The following HIVEP3 variants were observed in gnomAD, a reference collection of about 807,000 sequenced individuals.
HIVEP3 encodes transcription factor HIVEP3.
Under a neutral mutation model 152.8 loss-of-function variants are expected in HIVEP3, and 49 were observed. The ratio of observed to expected loss-of-function variants is 0.32; its 90% confidence interval spans 0.26 to 0.41. HIVEP3 has a LOEUF of 0.41. HIVEP3 is among the 10% of genes least tolerant of loss of function. The pLI is 1.00. For missense variants in HIVEP3, 2,790 were observed against 3,103.3 expected, an observed-to-expected ratio of 0.90 and a Z score of 2.40; for synonymous variants, 1,269 against 1,289.0, an observed-to-expected ratio of 0.98 and a Z score of 0.33.
chr1:41,747,221 G>A (rs966893969), intron 1 of HIVEP3, among the ~76,000 whole-genome samples: 1 of 152,216 alleles, frequency 6.6e-6, no homozygotes, highest in African/African-American at 2.4e-5. Context: ...GGCAGTGAGG[G>A]TGAGGGGTGG....
Position 42,007,018 on chromosome 1 carries a change from A to G in HIVEP3, n.119+28789T>C, listed in dbSNP as rs142660453. Reference sequence around the variant, plus strand: ...CTAACTTCTGATGAGTACTCTCAGCATTGGACTATATGTGTTTCCACGTGT... The same window carrying G: ...CTAACTTCTGATGAGTACTCTCAGCGTTGGACTATATGTGTTTCCACGTGT... On this transcript the variant is annotated intron_variant and non_coding_transcript_variant, in intron 1 of 3. Coordinates refer to the HIVEP3 transcript ENST00000489103. Among the ~76,000 whole-genome samples, 72 of 152,352 alleles carry G rather than the reference A, an allele frequency of 4.7e-4. 1 individual carries two copies. Among genetic ancestry groups the G allele is most frequent in the African/African-American group, 1.7e-3 (70 of 41,574 alleles).
intron 1 of HIVEP3, among the ~76,000 whole-genome samples, chr1:41,950,955 GA>G (rs1317876570): frequency 1.3e-5 from 2 of 152,212 alleles, no homozygotes; most frequent in African/African-American, 4.8e-5. Context: ...GCCAGAAACT[GA>G]AGGCATATTG....
chr1:42,012,648 C>T (rs1056392184), intron 1 of HIVEP3, among the ~76,000 whole-genome samples: 2 of 152,030 alleles, frequency 1.3e-5, no homozygotes, highest in Non-Finnish European at 2.9e-5. Context: ...CAAGATTGTG[C>T]CGCTGCACTC....
intron 5 of HIVEP3, among the ~76,000 whole-genome samples, chr1:41,557,676 G>C (rs570824462): frequency 6.6e-6 from 1 of 152,140 alleles, no homozygotes; most frequent in African/African-American, 2.4e-5. Flanking sequence ...TCTCTCCAGG[G>C]GTGGGGGGCA....
chr1:41,821,956 GGTCCTCCTT>G (rs1558299081), intron 1 of HIVEP3, among the ~76,000 whole-genome samples: 40 of 152,304 alleles, frequency 2.6e-4, no homozygotes, highest in African/African-American at 8.7e-4. Flanking sequence ...TTGATGTGAA[GGTCCTCCTT>G]CATTTATCCA....
At chr1:41,718,897 C>G (rs959102847) in intron 1 of HIVEP3, among the ~76,000 whole-genome samples, 1 of 152,226 alleles carries the variant, frequency 6.6e-6, no homozygotes, top group East Asian at 1.9e-4. Flanking sequence ...AGAACGAAGG[C>G]GCTAGTGGAT....
intron 1 of HIVEP3, among the ~76,000 whole-genome samples, chr1:41,723,199 TAGC>T (rs1646702462): frequency 6.6e-6 from 1 of 152,094 alleles, no homozygotes; most frequent in South Asian, 2.1e-4. Context: ...ACAAGGCTGT[TAGC>T]AGTAGGAGTG....
intron 1 of HIVEP3, among the ~76,000 whole-genome samples, chr1:41,837,451 C>T (rs930782436): frequency 3.3e-5 from 5 of 152,126 alleles, no homozygotes; most frequent in Admixed American, 6.5e-5. Context: ...CTCAGCCTCC[C>T]GAGTAGCTGG....
chr1:41,909,065 T>C (rs897579939), intron 1 of HIVEP3, among the ~76,000 whole-genome samples: 1 of 152,174 alleles, frequency 6.6e-6, no homozygotes, highest in Non-Finnish European at 1.5e-5. Context: ...CTCTTGTCTG[T>C]AGACAAGACA....
At chr1:41,680,550 G>A (rs1646023205) in intron 2 of HIVEP3, among the ~76,000 whole-genome samples, 1 of 152,210 alleles carries the variant, frequency 6.6e-6, no homozygotes, top group African/African-American at 2.4e-5. Flanking sequence ...ACTCAGGGCA[G>A]GAACATTGTC....
chr1:41,546,511 C>T (rs563512153), intron 5 of HIVEP3, among the ~76,000 whole-genome samples: 4 of 152,276 alleles, frequency 2.6e-5, no homozygotes, highest in Admixed American at 2.6e-4. Context: ...AGTGAGGAGC[C>T]CCCAGGTGTG....
chr1:41,704,684 C>T (rs1646409192), intron 1 of HIVEP3, among the ~76,000 whole-genome samples: 1 of 152,220 alleles, frequency 6.6e-6, no homozygotes, highest in African/African-American at 2.4e-5. Context: ...TGCCACATAC[C>T]AGCCATGAGA....
intron 5 of HIVEP3, among the ~76,000 whole-genome samples, chr1:41,562,771 C>T (rs1018727695): frequency 2.0e-5 from 3 of 152,110 alleles, no homozygotes; most frequent in African/African-American, 7.2e-5. Context: ...GACAGAATCC[C>T]AAGCCTGCAG....
chr1:41,602,778 C>A (rs925869458), intron 3 of HIVEP3, among the ~76,000 whole-genome samples: 2 of 151,804 alleles, frequency 1.3e-5, no homozygotes, highest in African/African-American at 4.8e-5. Context: ...GCCTTAATTT[C>A]TTTTTCTAGG....
chr1:41,862,306 C>A (rs975059209), intron 1 of HIVEP3, among the ~76,000 whole-genome samples: 1 of 152,214 alleles, frequency 6.6e-6, no homozygotes, highest in Non-Finnish European at 1.5e-5. Flanking sequence ...CGTTGATGCT[C>A]CCCTAACATT....
chr1:41,889,206 A>G (rs1644407750), intron 1 of HIVEP3, among the ~76,000 whole-genome samples: 1 of 151,564 alleles, frequency 6.6e-6, no homozygotes, highest in Non-Finnish European at 1.5e-5. Context: ...CACACACACC[A>G]CATACACCAC....
intron 2 of HIVEP3, among the ~76,000 whole-genome samples, chr1:41,695,007 C>T (rs1368002669): frequency 6.6e-6 from 1 of 152,200 alleles, no homozygotes; most frequent in Non-Finnish European, 1.5e-5. Context: ...TATACAGAGT[C>T]AAAGAGCAAG....
intron 1 of HIVEP3, among the ~76,000 whole-genome samples, chr1:41,896,227 A>G (rs989158715): frequency 6.6e-6 from 1 of 152,182 alleles, no homozygotes; most frequent in Non-Finnish European, 1.5e-5. Flanking sequence ...GTCTACCACA[A>G]AGTAAAACTC....
At chr1:41,920,348 C>G (rs940633578), upstream of HIVEP3, among the ~76,000 whole-genome samples, 2 of 152,142 alleles carry the variant, frequency 1.3e-5, no homozygotes, top group East Asian at 1.9e-4. Flanking sequence ...CACTCTCTCC[C>G]TGGTCCAGCC....
Sources: gnomAD v4.1 joint callset for allele counts (sites outside exome capture counted in the v4.1 genomes callset) on GRCh38, gnomAD v4.1.1 for gene constraint, MANE v1.5 for transcripts, NCBI Gene and HGNC (gene_info 2026-07-23, HGNC 2026-07-21) for gene names.